The following DPP6 variants were observed in gnomAD, a reference collection of about 807,000 sequenced individuals.
DPP6 encodes A-type potassium channel modulatory protein DPP6.
Under a neutral mutation model 122.6 loss-of-function variants are expected in DPP6, and 69 were observed. The observed-to-expected ratio is 0.56, with a 90% CI of 0.46 to 0.69. DPP6 has a LOEUF of 0.69. Among genes scored for constraint, DPP6 ranks in the 30% least tolerant of loss-of-function variants. The pLI is 0.00. For missense variants in DPP6, 928 were observed against 1,116.9 expected (o/e 0.83, Z 2.41); for synonymous variants, 418 against 433.1 (o/e 0.97, Z 0.43).
chr7:154,382,057 C>T (rs888702688), intron 1 of DPP6, among the ~76,000 whole-genome samples: 2 of 133,352 alleles, frequency 1.5e-5, no homozygotes, highest in African/African-American at 2.9e-5. Flanking sequence ...CTTTCAGAAA[C>T]CCCCCTTTTT....
chr7:154,666,944 G>A (rs997299398), intron 6 of DPP6, among the ~76,000 whole-genome samples: 9 of 152,142 alleles, frequency 5.9e-5, no homozygotes, highest in Admixed American at 1.3e-4. Context: ...CTTGCTTCCC[G>A]ACAAGCAAGT....
intron 1 of DPP6, among the ~76,000 whole-genome samples, chr7:153,918,058 C>G (rs1446052433): frequency 1.3e-5 from 2 of 152,154 alleles, no homozygotes; most frequent in African/African-American, 2.4e-5. Context: ...TAAGAACATG[C>G]TATATGTGAC....
chr7:153,813,642 A>T, the DPP6 span, among the ~76,000 whole-genome samples: 1 of 152,172 alleles, frequency 6.6e-6, no homozygotes, highest in African/African-American at 2.4e-5. Context: ...AGTCCCACCA[A>T]CAGTGTAAAA....
At chr7:154,676,158 C>T (rs949424240) in intron 7 of DPP6, among the ~76,000 whole-genome samples, 1 of 141,044 alleles carries the variant, frequency 7.1e-6, no homozygotes, top group Non-Finnish European at 1.6e-5. Flanking sequence ...AACCATGTGA[C>T]CTCCTACACA....
intron 19 of DPP6, among the ~76,000 whole-genome samples, chr7:154,873,946 G>A (rs1299549973): frequency 6.9e-5 from 9 of 131,010 alleles, no homozygotes; most frequent in African/African-American, 2.7e-4. Flanking sequence ...GTGCACACAT[G>A]CACACACACA....
At chr7:153,954,219 G>T (rs1585083608) in intron 1 of DPP6, among the ~76,000 whole-genome samples, 1 of 152,202 alleles carries the variant, frequency 6.6e-6, no homozygotes, top group African/African-American at 2.4e-5. Flanking sequence ...TGTCTGTAAA[G>T]TGTCACTATC....
intron 4 of DPP6, among the ~76,000 whole-genome samples, chr7:154,552,040 A>G (rs902741): frequency 0.49 from 74,330 of 151,940 alleles, 18,641 homozygotes; most frequent in African/African-American, 0.57. Flanking sequence ...CATTTTAGGC[A>G]TTTCAAAGGG....
At chr7:153,830,625 G>A in the DPP6 span, among the ~76,000 whole-genome samples, 4 of 152,270 alleles carry the variant, frequency 2.6e-5, no homozygotes, top group South Asian at 8.3e-4. Flanking sequence ...TTTCGAATTG[G>A]CCACTGTTTA....
chr7:153,769,113 G>T, the DPP6 span, among the ~76,000 whole-genome samples: 43 of 152,102 alleles, frequency 2.8e-4, no homozygotes, highest in African/African-American at 9.2e-4. Flanking sequence ...TTCATAGGTT[G>T]GTCTTGTACC....
At chr7:154,257,675 C>T (rs889576721) in intron 1 of DPP6, among the ~76,000 whole-genome samples, 1 of 151,970 alleles carries the variant, frequency 6.6e-6, no homozygotes, top group African/African-American at 2.4e-5. Flanking sequence ...CCAGCCTGGG[C>T]AACAAGAGTG....
At chr7:154,544,009 A>AT (rs1336674053) in intron 4 of DPP6, among the ~76,000 whole-genome samples, 170 of 149,210 alleles carry the variant, frequency 1.1e-3, no homozygotes, top group African/African-American at 4.0e-3. Context: ...AAAAAAAAAA[A>AT]AAAAGAGTTT....
At chr7:154,732,486 T>G (rs192887117) in intron 8 of DPP6, among the ~76,000 whole-genome samples, 46 of 152,334 alleles carry the variant, frequency 3.0e-4, no homozygotes, top group African/African-American at 9.4e-4. Flanking sequence ...CACAGCCCTG[T>G]GGAAAGCTGG....
chr7:154,889,872 A>C (rs1806461639), intron 25 of DPP6: 3 of 296,702 alleles, frequency 1.0e-5, no homozygotes, highest in Non-Finnish European at 1.9e-5. Context: ...CCCGCTGCGG[A>C]GAGTGGGACT....
chr7:154,515,672 T>C (rs1261660899), intron 3 of DPP6, among the ~76,000 whole-genome samples: 2 of 152,106 alleles, frequency 1.3e-5, no homozygotes, highest in Admixed American at 1.3e-4. Context: ...AGACAGGGTG[T>C]TTCACCGTGT....
intron 1 of DPP6, among the ~76,000 whole-genome samples, chr7:154,134,110 C>A (rs1161759074): frequency 6.6e-6 from 1 of 152,000 alleles, no homozygotes; most frequent in African/African-American, 2.4e-5. Context: ...CCACTATGGG[C>A]AGTTTGGCGT....
chr7:153,936,715 G>C (rs1282459945), intron 1 of DPP6, among the ~76,000 whole-genome samples: 4 of 152,076 alleles, frequency 2.6e-5, no homozygotes. Context: ...GGAGGCTGAG[G>C]CAGGAAAATG....
the DPP6 span, among the ~76,000 whole-genome samples, chr7:153,813,355 C>A: frequency 2.0e-5 from 3 of 152,098 alleles, no homozygotes; most frequent in Admixed American, 2.0e-4. Flanking sequence ...AGGACATGAA[C>A]TCATCATTTT....
chr7:154,389,013 G>C (rs1345635892), intron 1 of DPP6, among the ~76,000 whole-genome samples: 1 of 152,142 alleles, frequency 6.6e-6, no homozygotes, highest in Admixed American at 6.5e-5. Flanking sequence ...CTTTCGAGCA[G>C]TAGACCTGCT....
chr7:154,126,835 A>G (rs1037976318), intron 1 of DPP6, among the ~76,000 whole-genome samples: 3 of 152,182 alleles, frequency 2.0e-5, no homozygotes, highest in African/African-American at 7.2e-5. Context: ...TGCCTTCCGA[A>G]TATACTCATT....
Sources: gnomAD v4.1 joint callset for allele counts (sites outside exome capture counted in the v4.1 genomes callset) on GRCh38, gnomAD v4.1.1 for gene constraint, MANE v1.5 for transcripts, NCBI Gene and HGNC (gene_info 2026-07-23, HGNC 2026-07-21) for gene names.